Variants in ARIH1 observed in about 807,000 individuals in gnomAD.
ARIH1 encodes the protein E3 ubiquitin-protein ligase ARIH1.
In ARIH1, 8 loss-of-function variants were observed where a neutral mutation model predicts 85.0. The observed-to-expected ratio is 0.09, with a 90% CI of 0.06 to 0.17. ARIH1 has a LOEUF of 0.17. Ranked by LOEUF, ARIH1 falls within the 10% of genes least tolerant of loss-of-function variation. ARIH1 has a pLI of 1.00. For synonymous variants in ARIH1, 238 were observed against 253.6 expected, an observed-to-expected ratio of 0.94 and a Z score of 0.59; for missense variants, 311 against 718.1, an observed-to-expected ratio of 0.43 and a Z score of 6.48.
intron 10 of ARIH1, among the ~76,000 whole-genome samples, chr15:72,570,942 C>T: frequency 6.6e-6 from 1 of 151,810 alleles, no homozygotes; most frequent in East Asian, 1.9e-4. Context: ...CAGCCCTGAC[C>T]AACATGGAGA....
chr15:72,552,274 T>C (rs764601687), intron 3 of ARIH1, among the ~76,000 whole-genome samples: 2 of 152,216 alleles, frequency 1.3e-5, no homozygotes, highest in Non-Finnish European at 2.9e-5. Context: ...TGGTACCATA[T>C]GAGAAATCCA....
rs571370421 is a variant in ARIH1 at position 72,533,491 on chromosome 15, A to T, written c.444-11329A>T. Among the ~76,000 whole-genome samples, 4 of 152,370 alleles carry T rather than the reference A, an allele frequency of 2.6e-5. No homozygotes were observed. In the South Asian group the frequency reaches 8.3e-4, roughly 32 times the overall value. Reference sequence around the variant, plus strand: ...AAACAATGTGATTGTACATGTGGAAAAATCAGAATCTGGAGGTAAATTGTT... The same window carrying T: ...AAACAATGTGATTGTACATGTGGAATAATCAGAATCTGGAGGTAAATTGTT... On this transcript the variant is annotated intron_variant, in intron 2 of 13. Coordinates refer to ENST00000379887, the MANE Select transcript of ARIH1 (RefSeq NM_005744.5).
In ARIH1 at chr15:72,591,241, AAAGAAGAAG is replaced by A. The variant is rs1191398549; in HGVS notation, c.*7958_*7966del. On this transcript the variant is annotated 3_prime_UTR_variant, in exon 14 of 14. Transcript: ENST00000379887. ...TCTCAAAAAAAAAAAAAAAAAAAAA[AAAGAAGAAG>A]AAGAAGAAATACAAAACCAACTCTT... 6.7e-6 allele frequency: 1 copy of A among 148,974 alleles called. No individual in the cohort carries two copies. The highest frequency in any genetic ancestry group is 2.2e-4 in the South Asian group (1 of 4,636). 9.2% of individuals were successfully genotyped at this position (148,974 alleles called of 1,614,324 possible). A position where few individuals can be genotyped will look rare whatever the true frequency, so the allele number is the denominator to read the frequency against.
At chr15:72,576,123 C>T (rs1291759826) in intron 11 of ARIH1, among the ~76,000 whole-genome samples, 3 of 151,950 alleles carry the variant, frequency 2.0e-5, no homozygotes, top group African/African-American at 7.3e-5. Context: ...AACCATAGGG[C>T]CAAGTAGTAT....
In ARIH1 at chr15:72,590,865, C is replaced by A. The variant is rs1209195646; in HGVS notation, c.*7573C>A. 1 of 152,184 alleles carries A rather than the reference C, an allele frequency of 6.6e-6. No homozygotes were observed. Among genetic ancestry groups the A allele is most frequent in the African/African-American group, 2.4e-5 (1 of 41,434 alleles). 9.4% of individuals were successfully genotyped at this position (152,184 alleles called of 1,614,324 possible). ...AAGGTTTGGTATTTACTCCAAGTCA[C>A]CTGCCTTTAGCCATGGAGTATTCAA... On this transcript the variant is annotated 3_prime_UTR_variant, in exon 14 of 14. Coordinates refer to ENST00000379887, the MANE Select transcript of ARIH1 (RefSeq NM_005744.5).
At chr15:72,538,242 C>T (rs1374722808) in intron 2 of ARIH1, among the ~76,000 whole-genome samples, 1 of 152,004 alleles carries the variant, frequency 6.6e-6, no homozygotes, top group Non-Finnish European at 1.5e-5. Flanking sequence ...GGCACACATC[C>T]GTAATCCGCT....
Position 72,590,838 on chromosome 15 carries a change from T to C in ARIH1, c.*7546T>C, listed in dbSNP as rs756536113. 1 of 152,200 alleles carries C rather than the reference T, an allele frequency of 6.6e-6. No individual in the cohort carries two copies. Among genetic ancestry groups the C allele is most frequent in the Admixed American group, 6.5e-5 (1 of 15,288 alleles). The allele number at this position is 152,200 out of a possible 1,614,324, so 9.4% of individuals were successfully genotyped here. A position where few individuals can be genotyped will look rare whatever the true frequency, so the allele number is the denominator to read the frequency against. ...ACCCTCTTCACTGATTATGCCTGTT[T>C]AAAGGTTTGGTATTTACTCCAAGTC... On this transcript the variant is annotated 3_prime_UTR_variant, in exon 14 of 14. Coordinates refer to ENST00000379887, the MANE Select transcript of ARIH1 (RefSeq NM_005744.5).
chr15:72,490,102 C>T (rs191680959), intron 1 of ARIH1, among the ~76,000 whole-genome samples: 11 of 151,904 alleles, frequency 7.2e-5, no homozygotes, highest in East Asian at 3.9e-4. Context: ...GTGGTTCAAG[C>T]GTGTAATCCC....
intron 1 of ARIH1, among the ~76,000 whole-genome samples, chr15:72,506,275 G>A (rs1219555645): frequency 1.4e-5 from 2 of 138,048 alleles, no homozygotes; most frequent in Non-Finnish European, 3.1e-5. Flanking sequence ...GCGTGCACCC[G>A]GGAGGTGGAG....
chr15:72,547,053 G>A (rs1331000877), intron 3 of ARIH1, among the ~76,000 whole-genome samples: 3 of 151,084 alleles, frequency 2.0e-5, no homozygotes, highest in Admixed American at 6.6e-5. Flanking sequence ...TCAGCCTCCC[G>A]AGTAGCTGGG....
chr15:72,572,550 G>T (rs1042127709), intron 11 of ARIH1, among the ~76,000 whole-genome samples: 6 of 152,182 alleles, frequency 3.9e-5, no homozygotes, highest in Non-Finnish European at 7.3e-5. Flanking sequence ...AATTCTGAAG[G>T]ATTTGTGAAA....
intron 2 of ARIH1, among the ~76,000 whole-genome samples, chr15:72,519,483 T>TG (rs2063989728): frequency 8.3e-6 from 1 of 121,200 alleles, no homozygotes; most frequent in African/African-American, 3.2e-5. Context: ...TTGTTTTTTT[T>TG]TTTTTTTTTT....
intron 1 of ARIH1, among the ~76,000 whole-genome samples, chr15:72,506,351 C>CAAAAAAAAAAAG (rs2063924930): frequency 1.4e-5 from 1 of 73,064 alleles, no homozygotes; most frequent in African/African-American, 5.2e-5. Flanking sequence ...CTCCGTCTCA[C>CAAAAAAAAAAAG]AAAAAAAAAA....
chr15:72,519,752 G>A (rs2063991432), intron 2 of ARIH1, among the ~76,000 whole-genome samples: 1 of 152,062 alleles, frequency 6.6e-6, no homozygotes, highest in Non-Finnish European at 1.5e-5. Context: ...CCAAAGTGCT[G>A]GGATTACAGT....
In ARIH1 at chr15:72,583,550, T is replaced by C; in HGVS notation, c.*258T>C. 1 of 367,646 alleles carries C rather than the reference T, an allele frequency of 2.7e-6. No homozygotes were observed. Among genetic ancestry groups the C allele is most frequent in the Non-Finnish European group, 4.9e-6 (1 of 205,340 alleles). The allele number at this position is 367,646 out of a possible 1,614,324, so 22.8% of individuals were successfully genotyped here. On this transcript the variant is annotated 3_prime_UTR_variant, in exon 14 of 14. Coordinates refer to ENST00000379887, the MANE Select transcript of ARIH1 (RefSeq NM_005744.5). ...CTAAAAGCCCTCCAACTTTAACTTGTAACGTAGCTTCATTCTCAAAGCTGA... is the reference window on the plus strand; with the variant it reads ...CTAAAAGCCCTCCAACTTTAACTTGCAACGTAGCTTCATTCTCAAAGCTGA...
intron 1 of ARIH1, among the ~76,000 whole-genome samples, chr15:72,508,948 C>T (rs1014132152): frequency 1.3e-5 from 2 of 151,432 alleles, no homozygotes; most frequent in African/African-American, 2.4e-5. Context: ...CCCGCCTTAG[C>T]TTCCCAAAGT....
rs892205608 is a variant in ARIH1 at position 72,588,978 on chromosome 15, A to G, written c.*5686A>G. On this transcript the variant is annotated 3_prime_UTR_variant, in exon 14 of 14. Transcript: ENST00000379887. ...AAGAGTTTACAAGTTTCTCATGTCT[A>G]TCATTCTTTTGATAATCTTGTATTT... 3 of 152,196 alleles carry G rather than the reference A, an allele frequency of 2.0e-5. No individual in the cohort carries two copies. The highest frequency in any genetic ancestry group is 7.2e-5 in the African/African-American group (3 of 41,442). 9.4% of individuals were successfully genotyped at this position (152,196 alleles called of 1,614,324 possible).
At chr15:72,569,729 C>T (rs1023917225) in intron 9 of ARIH1, among the ~76,000 whole-genome samples, 1 of 152,126 alleles carries the variant, frequency 6.6e-6, no homozygotes, top group African/African-American at 2.4e-5. Flanking sequence ...GAATAGAATG[C>T]TTTTATCTCC....
At position 72,588,057 on chromosome 15, in the gene ARIH1, C is replaced by T. The variant is rs184810112; in HGVS notation, c.*4765C>T. On this transcript the variant is annotated 3_prime_UTR_variant, in exon 14 of 14. Coordinates refer to ENST00000379887, the MANE Select transcript of ARIH1 (RefSeq NM_005744.5). ...TCAGTCACACATTGATATGTAGCAGCTCTATCAATACCACAACAACCTTAT... is the reference window on the plus strand; with the variant it reads ...TCAGTCACACATTGATATGTAGCAGTTCTATCAATACCACAACAACCTTAT... 6.6e-6 allele frequency: 1 copy of T among 152,268 alleles called. No homozygotes were observed. Among genetic ancestry groups the T allele is most frequent in the Non-Finnish European group, 1.5e-5 (1 of 68,020 alleles). The allele number at this position is 152,268 out of a possible 1,614,324, so 9.4% of individuals were successfully genotyped here. A position where few individuals can be genotyped will look rare whatever the true frequency, so the allele number is the denominator to read the frequency against.
Sources: gnomAD v4.1 joint callset for allele counts (sites outside exome capture counted in the v4.1 genomes callset) on GRCh38, gnomAD v4.1.1 for gene constraint, MANE v1.5 for transcripts, NCBI Gene and HGNC (gene_info 2026-07-23, HGNC 2026-07-21) for gene names.